The following KCTD16 variants were observed in gnomAD, a reference collection of about 807,000 sequenced individuals.
The protein encoded by KCTD16 is BTB/POZ domain-containing protein KCTD16.
In KCTD16, 13 loss-of-function variants were observed where a neutral mutation model predicts 33.2. The observed-to-expected ratio is 0.39, with a 90% CI of 0.25 to 0.62. KCTD16 has a LOEUF of 0.62. KCTD16 is among the 20% of genes least tolerant of loss of function. The pLI is 0.50. For synonymous variants in KCTD16, 197 were observed against 195.3 expected (o/e 1.01, Z -0.07); for missense variants, 441 against 525.1 (o/e 0.84, Z 1.57).
At chr5:144,315,022 G>T (rs1451743970) in intron 3 of KCTD16, among the ~76,000 whole-genome samples, 3 of 152,178 alleles carry the variant, frequency 2.0e-5, no homozygotes, top group Non-Finnish European at 4.4e-5. Context: ...TAAGAGACAG[G>T]ATCCAACCGT....
At chr5:144,320,281 T>C (rs529565206) in intron 3 of KCTD16, among the ~76,000 whole-genome samples, 2 of 152,148 alleles carry the variant, frequency 1.3e-5, no homozygotes, top group Non-Finnish European at 2.9e-5. Flanking sequence ...AGGAAAAAGG[T>C]ATTTGGAAGA....
At chr5:144,185,712 CT>C (rs1752711980) in intron 2 of KCTD16, among the ~76,000 whole-genome samples, 1 of 151,710 alleles carries the variant, frequency 6.6e-6, no homozygotes, top group Non-Finnish European at 1.5e-5. Context: ...AGATAGGGAG[CT>C]TTTTTGCATT....
chr5:144,429,093 G>A (rs6889841), intron 3 of KCTD16, among the ~76,000 whole-genome samples: 2,399 of 152,214 alleles, frequency 0.016, 56 homozygotes, highest in African/African-American at 0.053. Flanking sequence ...AAGAAGACAG[G>A]GGTTGGGCAG....
At chr5:144,184,970 T>C (rs1752695620) in intron 2 of KCTD16, among the ~76,000 whole-genome samples, 2 of 152,224 alleles carry the variant, frequency 1.3e-5, no homozygotes, top group Non-Finnish European at 2.9e-5. Context: ...ATTTCAGATC[T>C]CAGTAATAAA....
chr5:144,197,845 CA>C (rs750090258), intron 2 of KCTD16, among the ~76,000 whole-genome samples: 6 of 152,086 alleles, frequency 3.9e-5, no homozygotes, highest in Non-Finnish European at 8.8e-5. Flanking sequence ...AATTGCCTGG[CA>C]ATTGGGTCAG....
intron 3 of KCTD16, among the ~76,000 whole-genome samples, chr5:144,459,387 T>C (rs1255581599): frequency 1.3e-5 from 2 of 152,134 alleles, no homozygotes; most frequent in African/African-American, 4.8e-5. Flanking sequence ...AGTCTTGCTT[T>C]GTCACCCAGG....
At chr5:144,360,839 G>A (rs1023031091) in intron 3 of KCTD16, among the ~76,000 whole-genome samples, 4 of 150,654 alleles carry the variant, frequency 2.7e-5, no homozygotes, top group Admixed American at 6.6e-5. Context: ...CTTTGCTATT[G>A]TGAACATGGC....
At chr5:144,283,233 G>A (rs1223464215) in intron 3 of KCTD16, among the ~76,000 whole-genome samples, 1 of 152,134 alleles carries the variant, frequency 6.6e-6, no homozygotes, top group Non-Finnish European at 1.5e-5. Context: ...CTTTTGTGGA[G>A]TTTAAGTCAG....
Position 144,406,264 on chromosome 5 carries a change from C to T in KCTD16, c.833-67396C>T, listed in dbSNP as rs567530544. 3.3e-5 allele frequency among the ~76,000 whole-genome samples: 5 copies of T among 152,204 alleles called. No homozygotes were observed. In the South Asian group the frequency reaches 1.0e-3, roughly 32 times the overall value. On this transcript the variant is annotated intron_variant, in intron 3 of 3. Transcript: ENST00000512467. ...CTAGCCCTAAGCAGTGGCTGAGCGG[C>T]AATGATTTATGTTTTCCCATCATGA...
intron 3 of KCTD16, among the ~76,000 whole-genome samples, chr5:144,251,771 G>A (rs1444222829): frequency 6.6e-6 from 1 of 152,126 alleles, no homozygotes; most frequent in Non-Finnish European, 1.5e-5. Context: ...TATAGTTCAT[G>A]ATACATCAGT....
intron 3 of KCTD16, among the ~76,000 whole-genome samples, chr5:144,395,739 A>G (rs1340644053): frequency 1.3e-5 from 2 of 152,050 alleles, no homozygotes; most frequent in African/African-American, 2.4e-5. Context: ...TCTTCCCACC[A>G]TGGTCCTGAT....
rs149590554 is a variant in KCTD16 at position 144,180,647 on chromosome 5, C to A, written c.-327+6175C>A. On this transcript the variant is annotated intron_variant, in intron 2 of 3. Coordinates refer to ENST00000512467, the MANE Select transcript of KCTD16 (RefSeq NM_020768.4). Reference sequence around the variant, plus strand: ...TGAATGTTGAATTCATCTGAAAGCTCATTCACATATGTGACTGCTGATGCT... The same window carrying A: ...TGAATGTTGAATTCATCTGAAAGCTAATTCACATATGTGACTGCTGATGCT... Among the ~76,000 whole-genome samples, 336 of 152,344 alleles carry A rather than the reference C, an allele frequency of 2.2e-3. 1 individual carries two copies. The highest frequency in any genetic ancestry group is 7.1e-3 in the African/African-American group (296 of 41,588).
At chr5:144,276,830 G>C (rs1755450370) in intron 3 of KCTD16, among the ~76,000 whole-genome samples, 1 of 151,628 alleles carries the variant, frequency 6.6e-6, no homozygotes, top group South Asian at 2.1e-4. Flanking sequence ...TTGGACCTGA[G>C]AGGCAGAGAT....
intron 3 of KCTD16, among the ~76,000 whole-genome samples, chr5:144,248,211 AAG>A (rs1415435489): frequency 1.3e-5 from 2 of 152,214 alleles, no homozygotes; most frequent in East Asian, 1.9e-4. Flanking sequence ...AGTGCCATTT[AAG>A]AGAGAGTTAC....
intron 3 of KCTD16, among the ~76,000 whole-genome samples, chr5:144,253,793 T>C (rs1244692891): frequency 6.6e-6 from 1 of 152,126 alleles, no homozygotes; most frequent in Non-Finnish European, 1.5e-5. Context: ...CCTGAAGGAA[T>C]AAATGCCTCC....
intron 3 of KCTD16, among the ~76,000 whole-genome samples, chr5:144,247,145 C>G (rs1754572772): frequency 6.6e-6 from 1 of 152,158 alleles, no homozygotes; most frequent in African/African-American, 2.4e-5. Flanking sequence ...TTTACATGAC[C>G]AGCTACCCTA....
intron 3 of KCTD16, among the ~76,000 whole-genome samples, chr5:144,311,147 C>T (rs553985943): frequency 1.5e-4 from 23 of 152,202 alleles, no homozygotes; most frequent in African/African-American, 5.5e-4. Context: ...CTTGAGATAC[C>T]AGTCCCTCTG....
At chr5:144,178,054 C>T (rs943568485) in intron 2 of KCTD16, among the ~76,000 whole-genome samples, 14 of 152,050 alleles carry the variant, frequency 9.2e-5, no homozygotes, top group Admixed American at 9.2e-4. Context: ...AACACTTGTC[C>T]CAAAGTAAAC....
At chr5:144,221,001 TGA>T (rs1753732293) in intron 3 of KCTD16, among the ~76,000 whole-genome samples, 1 of 151,564 alleles carries the variant, frequency 6.6e-6, no homozygotes, top group South Asian at 2.1e-4. Flanking sequence ...ACTTGAACCT[TGA>T]GAAAGAGGTT....
Sources: allele counts gnomAD v4.1 joint callset (sites outside exome capture counted in the v4.1 genomes callset), GRCh38; gene constraint gnomAD v4.1.1; transcripts MANE v1.5; gene names NCBI Gene and HGNC (gene_info 2026-07-23, HGNC 2026-07-21).